Variants in GPC3 observed in about 807,000 individuals in gnomAD.
The protein encoded by GPC3 is glypican-3.
In GPC3, 3 loss-of-function variants were observed where a neutral mutation model predicts 34.4. The observed-to-expected ratio is 0.09, with a 90% confidence interval of 0.04 to 0.23. The LOEUF is 0.23. Among genes scored for constraint, GPC3 ranks in the 10% least tolerant of loss-of-function variants. GPC3 has a pLI of 1.00. For synonymous variants in GPC3, 177 were observed against 174.0 expected, an observed-to-expected ratio of 1.02 and a Z score of -0.13; for missense variants, 351 against 445.6, an observed-to-expected ratio of 0.79 and a Z score of 1.91.
rs776010902 is a variant in GPC3, at chrX:133,753,779, G to A, written c.735C>T (p.His245=). 2.5e-6 allele frequency: 3 copies of A among 1,211,342 alleles called. No individual in the cohort carries two copies. The highest frequency in any genetic ancestry group is 3.5e-5 in the South Asian group (2 of 56,950). The change falls in exon 3 of 8, where the codon CAC becomes CAT. Residue 245 remains histidine (H), a synonymous_variant. Coordinates refer to ENST00000370818, the MANE Select transcript of GPC3 (RefSeq NM_004484.4). ...LGIEVINTTD[H]LKFSKDCGRM... ...GGCCACAGTCCTTACTGAACTTCAG[G>A]TGATCAGTTGTGTTGATCACTTCAA... is the stretch of plus-strand genomic sequence containing the variant.
At chrX:133,600,383 A>C (rs1403607958) in intron 6 of GPC3, among the ~76,000 whole-genome samples, 2 of 111,957 alleles carry the variant, frequency 1.8e-5, no homozygotes, top group Non-Finnish European at 3.8e-5. Context: ...ACCTGTGTGC[A>C]ATGTCCCCAC....
At chrX:133,902,055 T>C (rs1394456312) in intron 2 of GPC3, among the ~76,000 whole-genome samples, 1 of 112,036 alleles carries the variant, frequency 8.9e-6, no homozygotes, top group Non-Finnish European at 1.9e-5. Context: ...TGATATACAA[T>C]GTCCTTTCCA....
chrX:133,960,017 G>A lies in GPC3; in HGVS notation c.176-6806C>T, dbSNP rs945174645. 3.6e-5 allele frequency among the ~76,000 whole-genome samples: 4 copies of A among 111,362 alleles called. No homozygotes were observed. The East Asian group carries it at 1.1e-3, about 31-fold the overall frequency. ...ATATGTGATATAGACAACATTTGCTGGATAAGGGAATGCTCACCAGAGGCT... is the reference window on the plus strand; with the variant it reads ...ATATGTGATATAGACAACATTTGCTAGATAAGGGAATGCTCACCAGAGGCT... On this transcript the variant is annotated intron_variant, in intron 1 of 7. Coordinates refer to ENST00000370818, the MANE Select transcript of GPC3 (RefSeq NM_004484.4).
intron 3 of GPC3, among the ~76,000 whole-genome samples, chrX:133,703,892 C>T (rs1894029100): frequency 8.9e-6 from 1 of 112,225 alleles, no homozygotes; most frequent in East Asian, 2.8e-4. Flanking sequence ...AATCTTTTGG[C>T]TTCCCTGGGC....
In GPC3 at chrX:133,840,590, TATC is replaced by T. The variant is rs760935848; in HGVS notation, c.338-86417_338-86415del. Among the ~76,000 whole-genome samples, 156 of 109,922 alleles carry T rather than the reference TATC, an allele frequency of 1.4e-3. 1 individual carries two copies. Among genetic ancestry groups the T allele is most frequent in the Admixed American group, 4.2e-3 (43 of 10,324 alleles). On this transcript the variant is annotated intron_variant, in intron 2 of 7. Coordinates refer to ENST00000370818, the MANE Select transcript of GPC3 (RefSeq NM_004484.4). ...TAGAAGAAAATTACTATATGTTAAC[TATC>T]ATCATCATCATCATCATCATCATCT...
chrX:133,741,837 G>A (rs1015572576), intron 3 of GPC3, among the ~76,000 whole-genome samples: 2 of 112,920 alleles, frequency 1.8e-5, no homozygotes, highest in African/African-American at 6.4e-5. Flanking sequence ...ACACTAAGAA[G>A]TTGCTTTTCG....
At chrX:133,618,264 C>CA (rs1355207236) in intron 6 of GPC3, among the ~76,000 whole-genome samples, 1 of 111,046 alleles carries the variant, frequency 9.0e-6, no homozygotes, top group African/African-American at 3.3e-5. Flanking sequence ...AATTTGTATT[C>CA]AAAACAAATA....
At chrX:133,862,435 C>A (rs772912462) in intron 2 of GPC3, among the ~76,000 whole-genome samples, 65 of 107,028 alleles carry the variant, frequency 6.1e-4, no homozygotes, top group South Asian at 2.1e-3. Context: ...AATCCCAGCA[C>A]TTTGGGAGGC....
chrX:133,733,196 A>G (rs2071478814), intron 3 of GPC3, among the ~76,000 whole-genome samples: 1 of 111,089 alleles, frequency 9.0e-6, no homozygotes, highest in Non-Finnish European at 1.9e-5. Context: ...AGAAAACCAA[A>G]AACTGTATGT....
chrX:133,847,303 C>T lies in GPC3; in HGVS notation c.338-93127G>A, dbSNP rs186445739. On this transcript the variant is annotated intron_variant, in intron 2 of 7. Transcript: ENST00000370818. ...CTTACTTCATAATGGGCACAGATAT[C>T]TTTTTAAAAAAAAATGCTTAAAAAG... Among the ~76,000 whole-genome samples the T allele has an allele frequency of 9.3e-3, 1,039 of 111,591 alleles. 6 individuals carry two copies. The highest frequency in any genetic ancestry group is 0.015 in the Non-Finnish European group (817 of 53,065).
rs758251273 is a variant in GPC3, at chrX:133,724,425, T to A, written c.1033-24397A>T. ...TCAAGTGATACCTACATTATAAGAATCTCCAGTTGGACATGGGGGCTAAGG... is the reference window on the plus strand; with the variant it reads ...TCAAGTGATACCTACATTATAAGAAACTCCAGTTGGACATGGGGGCTAAGG... On this transcript the variant is annotated intron_variant, in intron 3 of 7. Transcript: ENST00000370818. Among the ~76,000 whole-genome samples, 5 of 112,272 alleles carry A rather than the reference T, an allele frequency of 4.5e-5. No homozygotes were observed. In the East Asian group the frequency reaches 1.4e-3, roughly 31 times the overall value.
At chrX:133,903,016 G>A (rs1348634096) in intron 2 of GPC3, among the ~76,000 whole-genome samples, 2 of 110,713 alleles carry the variant, frequency 1.8e-5, no homozygotes, top group African/African-American at 3.3e-5. Context: ...AGGCCGAGGC[G>A]GGCAGATCAC....
intron 2 of GPC3, among the ~76,000 whole-genome samples, chrX:133,798,010 C>T (rs756745183): frequency 9.0e-6 from 1 of 111,608 alleles, no homozygotes; most frequent in Admixed American, 9.5e-5. Flanking sequence ...ACTCTTTTCT[C>T]AACAGTGCAA....
intron 3 of GPC3, among the ~76,000 whole-genome samples, chrX:133,711,183 T>C (rs952723220): frequency 2.7e-5 from 3 of 112,008 alleles, no homozygotes; most frequent in African/African-American, 6.5e-5. Context: ...ACCATTCAAT[T>C]TGTGAACTTT....
intron 2 of GPC3, among the ~76,000 whole-genome samples, chrX:133,855,286 CTGAATAGCTGGGACTACAAGCATGAGT>C (rs1183254919): frequency 4.5e-5 from 5 of 109,899 alleles, no homozygotes; most frequent in African/African-American, 1.7e-4. Context: ...TTTCAGCTTC[CTGAATAGCTGGGACTACAAGCATGAGT>C]TCCTACACCC....
intron 2 of GPC3, among the ~76,000 whole-genome samples, chrX:133,803,978 CCACA>C (rs10571712): frequency 0.018 from 1,709 of 93,668 alleles, 27 homozygotes; most frequent in African/African-American, 0.05. Context: ...TGAGATAAAT[CCACA>C]CACACACACA....
intron 1 of GPC3, among the ~76,000 whole-genome samples, chrX:133,968,963 T>G (rs752508212): frequency 2.7e-5 from 3 of 110,803 alleles, no homozygotes; most frequent in Non-Finnish European, 5.7e-5. Context: ...CTAAATTAAA[T>G]TTGTATAATG....
intron 2 of GPC3, among the ~76,000 whole-genome samples, chrX:133,814,265 C>T (rs1276356577): frequency 1.8e-5 from 2 of 111,251 alleles, no homozygotes; most frequent in East Asian, 5.6e-4. Context: ...CAACCCACAT[C>T]CCCCTTCAGC....
chrX:133,618,753 A>G (rs1293143074), intron 6 of GPC3, among the ~76,000 whole-genome samples: 1 of 110,418 alleles, frequency 9.1e-6, no homozygotes, highest in Non-Finnish European at 1.9e-5. Flanking sequence ...AGCAAAAATG[A>G]CAGAACTTTG....
Sources: gnomAD v4.1 joint callset for allele counts (sites outside exome capture counted in the v4.1 genomes callset) on GRCh38, gnomAD v4.1.1 for gene constraint, MANE v1.5 for transcripts, NCBI Gene and HGNC (gene_info 2026-07-23, HGNC 2026-07-21) for gene names.